CAMTA2: variants seen among roughly 807,000 people sequenced by gnomAD.
The protein encoded by CAMTA2 is calmodulin-binding transcription activator 2.
In CAMTA2, 56 loss-of-function variants were observed where a neutral mutation model predicts 135.7. The ratio of observed to expected loss-of-function variants is 0.41; its 90% CI spans 0.33 to 0.52. CAMTA2 has a LOEUF of 0.52. CAMTA2 is among the 20% of genes least tolerant of loss of function. CAMTA2 has a pLI of 0.16. For missense variants in CAMTA2, 1,358 were observed against 1,553.4 expected, an observed-to-expected ratio of 0.87 and a Z score of 2.11; for synonymous variants, 591 against 604.6, an observed-to-expected ratio of 0.98 and a Z score of 0.33.
Position 4,972,989 on chromosome 17 carries a change from C to T in CAMTA2, c.2283G>A (p.Met761Ile), listed in dbSNP as rs748435692. The change falls in exon 15 of 23, where the codon ATG (methionine) becomes ATA (isoleucine). Residue 761 changes from methionine (M) to isoleucine (I), a missense_variant and splice_region_variant. By Grantham distance (10) the Met-to-Ile change is conservative. Coordinates refer to ENST00000348066, the MANE Select transcript of CAMTA2 (RefSeq NM_015099.4). ...CCAGGTGTCCCAGGGCACAAGCCCA[C>T]ATCTGAGGAAGGGGGCGGGACAGGC... ...NVDHFSCTPL[M>I]WACALGHLEA... is the part of the protein sequence containing the mutation. The T allele has an allele frequency of 3.1e-6, 5 of 1,612,038 alleles. No homozygotes were observed. The Admixed American group carries it at 8.3e-5, about 27-fold the overall frequency.
Position 4,987,239 on chromosome 17 carries a change from C to A in CAMTA2, c.-65+354G>T, listed in dbSNP as rs1973408090. 3.7e-6 allele frequency: 5 copies of A among 1,336,610 alleles called. No homozygotes were observed. In the East Asian group the frequency reaches 9.3e-5, roughly 25 times the overall value. 82.8% of individuals were successfully genotyped at this position (1,336,610 alleles called of 1,614,324 possible). On this transcript the variant is annotated intron_variant, in intron 1 of 22. Coordinates refer to ENST00000348066, the MANE Select transcript of CAMTA2 (RefSeq NM_015099.4). ...ATCGGACGCTTGGCACTCTGGGCGG[C>A]CCCCCGGCGGAGTGGTGGTCCCAGG...
chr17:4,981,974 T>C (rs1341082755), intron 6 of CAMTA2, 115 bp downstream of exon 6: 26 of 1,263,172 alleles, frequency 2.1e-5, no homozygotes, highest in Non-Finnish European at 2.9e-5. Flanking sequence ...CTTTCTCTTC[T>C]TCCCAGGCTC....
At chr17:4,987,129 G>A in intron 1 of CAMTA2, 2 of 1,361,144 alleles carry the variant, frequency 1.5e-6, no homozygotes, top group African/African-American at 1.5e-5. Flanking sequence ...CTCCGCCCCA[G>A]GGCGCAGGTG....
rs779629981 is a variant in CAMTA2, at chr17:4,977,185, C to T, written c.1773G>A (p.Glu591=). The T allele has an allele frequency of 6.8e-6, 11 of 1,613,764 alleles. No homozygotes were observed. The highest frequency in any genetic ancestry group is 6.8e-6 in the Non-Finnish European group (8 of 1,179,922). ...GVLRCYCPAH[E]VGLVSLQVAG... is the part of the protein sequence containing the mutation. ...CCACCTGCAAAGACACCAGCCCTAC[C>T]TCATGGGCTGGAGAGGGTAGGATCA... Residue 591 remains glutamate (E), a synonymous_variant, in exon 11 of 23, where the codon GAG becomes GAA. Coordinates refer to ENST00000348066, the MANE Select transcript of CAMTA2 (RefSeq NM_015099.4).
chr17:4,973,651 A>C lies in CAMTA2; in HGVS notation c.2135T>G (p.Met712Arg). 1 of 1,614,216 alleles carries C rather than the reference A, an allele frequency of 6.2e-7. No individual in the cohort carries two copies. Among genetic ancestry groups the C allele is most frequent in the African/African-American group, 1.3e-5 (1 of 75,068 alleles). The change falls in exon 13 of 23, where the codon ATG becomes AGG. Residue 712 changes from methionine (M) to arginine (R), a missense_variant. Around this residue, in one of 4 missense-constraint regions of CAMTA2, gnomAD observed 1,077 missense variants for 1,127.5 expected, o/e 0.96. Transcript: ENST00000348066. ...GGCAGCAGCCAGGTGCAGAAGGCTCATGCCCCGGAAGGGGCTTCCATGGGC... is the reference window on the plus strand; with the variant it reads ...GGCAGCAGCCAGGTGCAGAAGGCTCCTGCCCCGGAAGGGGCTTCCATGGGC... ...RLAHGSPFRGMSLLHLAAAQG... is the reference protein window; with the variant it reads ...RLAHGSPFRGRSLLHLAAAQG...
Position 4,973,692 on chromosome 17 carries a change from C to T in CAMTA2, c.2094G>A (p.Lys698=). Residue 698 remains lysine (K), a synonymous_variant, in exon 13 of 23, where the codon AAG becomes AAA. Coordinates refer to ENST00000348066, the MANE Select transcript of CAMTA2 (RefSeq NM_015099.4). The stretch of plus-strand genomic sequence containing the variant: ...TTCCATGGGCCAGACGTTCAGGACC[C>T]TTCCAGGTGGAGCGTGGGATCATGC... ...VESMIPRSTW[K]GPERLAHGSP... The T allele has an allele frequency of 1.2e-6, 2 of 1,614,268 alleles. No homozygotes were observed. Among genetic ancestry groups the T allele is most frequent in the Non-Finnish European group, 1.7e-6 (2 of 1,180,044 alleles).
rs755620187 is a variant in CAMTA2, at chr17:4,985,968, A to T, written c.47T>A (p.Leu16Gln). ...TTEVAENSHHLKIFLPKKLLE... is the reference protein window; with the variant it reads ...TTEVAENSHHQKIFLPKKLLE... The stretch of plus-strand genomic sequence containing the variant: ...CAGCTTCTTGGGGAGAAAGATCTTC[A>T]GGTGGTGGCTGTTTTCTAAAGGGAA... The change falls in exon 3 of 23, where the codon CTG becomes CAG. Residue 16 changes from leucine to glutamine, a missense_variant. Around this residue, in one of 4 missense-constraint regions of CAMTA2, gnomAD observed 105 missense variants for 190.9 expected, o/e 0.55. Transcript: ENST00000348066. 6.2e-7 allele frequency: 1 copy of T among 1,613,472 alleles called. No homozygotes were observed. Among genetic ancestry groups the T allele is most frequent in the East Asian group, 2.2e-5 (1 of 44,876 alleles).
At position 4,968,648 on chromosome 17, in the gene CAMTA2, A is replaced by G; in HGVS notation, c.*108T>C. On this transcript the variant is annotated 3_prime_UTR_variant, in exon 23 of 23. Coordinates refer to ENST00000348066, the MANE Select transcript of CAMTA2 (RefSeq NM_015099.4). ...GGAGGCCTACAGAGGGCTCCAACAA[A>G]GGTGAACAGGAAAGCTGCCGACAGG... The G allele has an allele frequency of 7.8e-7, 1 of 1,283,396 alleles. No homozygotes were observed. The highest frequency in any genetic ancestry group is 1.1e-6 in the Non-Finnish European group (1 of 899,414). 79.5% of individuals were successfully genotyped at this position (1,283,396 alleles called of 1,614,324 possible). A position where few individuals can be genotyped will look rare whatever the true frequency, so the allele number is the denominator to read the frequency against.
chr17:4,987,649 C>CCA lies in CAMTA2; in HGVS notation c.-122_-121insTG, dbSNP rs758486400. On this transcript the variant is annotated 5_prime_UTR_variant, in exon 1 of 23. Transcript: ENST00000348066. The stretch of plus-strand genomic sequence containing the variant: ...GGCCATTCTACCCCACACCGACCCC[C>CCA]CCCAGCGCCGGCTGACAGCGGCGTC... 3 of 1,522,310 alleles carry CCA rather than the reference C, an allele frequency of 2.0e-6. No homozygotes were observed. Among genetic ancestry groups the CCA allele is most frequent in the East Asian group, 2.6e-5 (1 of 39,146 alleles). 94.3% of individuals were successfully genotyped at this position (1,522,310 alleles called of 1,614,324 possible).
At chr17:4,970,113 A>G (rs756717758) in intron 17 of CAMTA2, 28 bp from the exon 18 acceptor site, 6 of 1,606,404 alleles carry the variant, frequency 3.7e-6, no homozygotes, top group African/African-American at 1.3e-5. Context: ...AGAGGGTGTC[A>G]TGAAGCATCT....
Position 4,977,229 on chromosome 17 carries a change from C to G in CAMTA2, c.1766-37G>C, listed in dbSNP as rs1972670085. 1.9e-6 allele frequency: 3 copies of G among 1,602,886 alleles called. No individual in the cohort carries two copies. In the Admixed American group the frequency reaches 5.1e-5, roughly 27 times the overall value. On this transcript the variant is annotated intron_variant, in intron 10 of 22. Transcript: ENST00000348066. ...AGGATCAGCGAGAAGGGCTCTCTTT[C>G]CCTGGCTCCTTCTCTGGCTACCTGT...
At chr17:4,977,427 A>C (rs1206092007) in intron 10 of CAMTA2, among the ~76,000 whole-genome samples, 3 of 152,238 alleles carry the variant, frequency 2.0e-5, no homozygotes, top group Non-Finnish European at 4.4e-5. Context: ...GTAGTTGAAG[A>C]TATTTGTTAT....
At position 4,968,773 on chromosome 17, in the gene CAMTA2, G is replaced by T; in HGVS notation, c.3592C>A (p.Pro1198Thr). Residue 1198 changes from proline (P) to threonine (T), a missense_variant, in exon 23 of 23, where the codon CCG (proline) becomes ACG (threonine). Transcript: ENST00000348066. Reference protein sequence around the residue: ...QNQELEGLPQPGLAT With the variant: ...QNQELEGLPQTGLAT Reference sequence around the variant, plus strand: ...TGGCCAGGTCATGTGGCCAGTCCCGGCTGGGGAAGCCCTTCCAGCTCCTGG... The same window carrying T: ...TGGCCAGGTCATGTGGCCAGTCCCGTCTGGGGAAGCCCTTCCAGCTCCTGG... The T allele has an allele frequency of 1.2e-6, 2 of 1,614,152 alleles. No individual in the cohort carries two copies. The highest frequency in any genetic ancestry group is 1.1e-5 in the South Asian group (1 of 91,090).
intron 1 of CAMTA2, 128 bp from the exon 2 acceptor site, chr17:4,986,414 GCTGA>G: frequency 1.7e-6 from 1 of 594,686 alleles, no homozygotes; most frequent in Non-Finnish European, 3.0e-6. Flanking sequence ...GGAGGGAGGG[GCTGA>G]CTGTGATGTG....
Position 4,977,347 on chromosome 17 carries a change from G to C in CAMTA2, c.1766-155C>G, listed in dbSNP as rs927829123. Reference sequence around the variant, plus strand: ...GCTTCAGTGGCCTTGGCACTAACTGGGAAGGGAGTCCATTTGTTTGAGAAC... The same window carrying C: ...GCTTCAGTGGCCTTGGCACTAACTGCGAAGGGAGTCCATTTGTTTGAGAAC... On this transcript the variant is annotated intron_variant, in intron 10 of 22. Transcript: ENST00000348066. The C allele has an allele frequency of 4.8e-6, 4 of 837,962 alleles. No individual in the cohort carries two copies. The African/African-American group carries it at 5.1e-5, about 11-fold the overall frequency. The allele number at this position is 837,962 out of a possible 1,614,324, so 51.9% of individuals were successfully genotyped here. A position where few individuals can be genotyped will look rare whatever the true frequency, so the allele number is the denominator to read the frequency against.
intron 5 of CAMTA2, 59 bp downstream of exon 5, chr17:4,982,698 C>T (rs1973031577): frequency 6.3e-7 from 1 of 1,595,320 alleles, no homozygotes; most frequent in Admixed American, 1.7e-5. Context: ...GGCTAGAGCC[C>T]AGCTAAGGGT....
In CAMTA2 at chr17:4,973,172, C is replaced by T. The variant is rs1036037810; in HGVS notation, c.2280+3G>A. ...TATGCGCTCAGGAATCCGTCATCCT[C>T]ACCAGAGGGGTGCAAGAGAAATGAT... is the stretch of plus-strand genomic sequence containing the variant. On this transcript the variant is annotated splice_donor_region_variant and intron_variant, in intron 14 of 22. Transcript: ENST00000348066. 1 of 1,613,046 alleles carries T rather than the reference C, an allele frequency of 6.2e-7. No individual in the cohort carries two copies. The highest frequency in any genetic ancestry group is 8.5e-7 in the Non-Finnish European group (1 of 1,179,260).
chr17:4,982,303 C>T, intron 5 of CAMTA2, 143 bp from the exon 6 acceptor site: 1 of 661,296 alleles, frequency 1.5e-6, no homozygotes, highest in Non-Finnish European at 2.7e-6. Context: ...TATTCCCCAC[C>T]CCTTTTGAAT....
intron 11 of CAMTA2, among the ~76,000 whole-genome samples, chr17:4,975,680 A>C (rs1972570323): frequency 6.6e-6 from 1 of 152,178 alleles, no homozygotes; most frequent in Non-Finnish European, 1.5e-5. Context: ...TAAGGACCAG[A>C]GCTCCGGAGA....
Sources: gnomAD v4.1 joint callset for allele counts (sites outside exome capture counted in the v4.1 genomes callset) on GRCh38, gnomAD v4.1.1 for gene constraint, gnomAD v4.1.1 regional missense constraint, MANE v1.5 for transcripts, NCBI Gene and HGNC (gene_info 2026-07-23, HGNC 2026-07-21) for gene names.